PCDHGB5: variants seen among roughly 807,000 people sequenced by gnomAD.
PCDHGB5 encodes protocadherin gamma-B5.
PCDHGB5 carries 48 observed loss-of-function variants against 62.9 expected under a neutral mutation model. That is an observed-to-expected ratio of 0.76 (90% CI 0.61 to 0.97). The LOEUF (loss-of-function observed/expected upper bound fraction) is 0.97. PCDHGB5 is among the 50% of genes least tolerant of loss of function. The pLI is 0.00. For missense variants in PCDHGB5, 1,118 were observed against 1,198.6 expected, an observed-to-expected ratio of 0.93 and a Z score of 0.99; for synonymous variants, 474 against 511.2, an observed-to-expected ratio of 0.93 and a Z score of 0.98.
intron 1 of PCDHGB5, among the ~76,000 whole-genome samples, chr5:141,482,052 T>G (rs2099551017): frequency 6.7e-6 from 1 of 150,154 alleles, no homozygotes; most frequent in Non-Finnish European, 1.5e-5. Flanking sequence ...GCTGTTGCAT[T>G]CCAGCCTGGG....
chr5:141,404,157 A>G (rs746450194), intron 1 of PCDHGB5: 12 of 1,613,094 alleles, frequency 7.4e-6, no homozygotes, highest in Non-Finnish European at 5.9e-6. Flanking sequence ...GAAGATTATT[A>G]CAGATTGTTG....
intron 2 of PCDHGB5, among the ~76,000 whole-genome samples, chr5:141,498,971 G>GGGAAGGAA (rs201769957): frequency 0.022 from 2,449 of 111,032 alleles, 52 homozygotes; most frequent in African/African-American, 0.046. Flanking sequence ...GAGGGAGGGA[G>GGGAAGGAA]GGAAGGAAGG....
At chr5:141,402,474 G>T (rs2094271773) in intron 1 of PCDHGB5, among the ~76,000 whole-genome samples, 1 of 152,122 alleles carries the variant, frequency 6.6e-6, no homozygotes, top group South Asian at 2.1e-4. Flanking sequence ...GAAATAGAGT[G>T]CAAAGTTCTA....
Position 141,476,889 on chromosome 5 carries a change from C to T in PCDHGB5, c.2398-17918C>T. ...CGGGCGCGCGTCCTGGAGGATGCAC[C>T]CTCCGGCACGCGCGTGGTACAAGTC... is the stretch of plus-strand genomic sequence containing the variant. On this transcript the variant is annotated intron_variant, in intron 1 of 3. Transcript: ENST00000617380. This position sits in a 1 kb window ranked among gnomAD's most constrained non-coding sequence, Gnocchi z 7.6. 6.2e-7 allele frequency: 1 copy of T among 1,613,960 alleles called. No individual in the cohort carries two copies. The highest frequency in any genetic ancestry group is 8.5e-7 in the Non-Finnish European group (1 of 1,180,034).
At chr5:141,418,393 C>A in intron 1 of PCDHGB5, 1 of 1,613,984 alleles carries the variant, frequency 6.2e-7, no homozygotes, top group Non-Finnish European at 8.5e-7. Context: ...ACGAGTATTT[C>A]TCATTGGTGG....
intron 2 of PCDHGB5, among the ~76,000 whole-genome samples, chr5:141,502,654 C>T (rs1424933188): frequency 6.6e-6 from 1 of 152,230 alleles, no homozygotes; most frequent in South Asian, 2.1e-4. Context: ...TAGGCAGCAA[C>T]CCTTCATGCA....
At chr5:141,408,901 G>T (rs529239605) in intron 1 of PCDHGB5, 2 of 1,613,100 alleles carry the variant, frequency 1.2e-6, no homozygotes, top group African/African-American at 2.7e-5. Flanking sequence ...TTTCTGTCAA[G>T]GATACCAATG....
chr5:141,422,453 G>A, intron 1 of PCDHGB5: 3 of 1,611,704 alleles, frequency 1.9e-6, no homozygotes, highest in Non-Finnish European at 2.5e-6. Context: ...ATAACAAGCA[G>A]AGTGCTGGAC....
intron 1 of PCDHGB5, among the ~76,000 whole-genome samples, chr5:141,455,594 G>A (rs1263100982): frequency 6.6e-6 from 1 of 152,112 alleles, no homozygotes; most frequent in Non-Finnish European, 1.5e-5. Context: ...ATATGCAAAC[G>A]TAGGGCGCCA....
chr5:141,403,120 C>T, intron 1 of PCDHGB5: 2 of 1,614,050 alleles, frequency 1.2e-6, no homozygotes, highest in Non-Finnish European at 1.7e-6. Flanking sequence ...CTCTGGAGCC[C>T]CGGGAGCTGG....
chr5:141,486,278 G>A lies in PCDHGB5; in HGVS notation c.2398-8529G>A. The A allele has an allele frequency of 1.2e-6, 2 of 1,614,088 alleles. No individual in the cohort carries two copies. Among genetic ancestry groups the A allele is most frequent in the South Asian group, 2.2e-5 (2 of 91,068 alleles). On this transcript the variant is annotated intron_variant, in intron 1 of 3. Transcript: ENST00000617380. This position sits in a 1 kb window ranked among gnomAD's most constrained non-coding sequence, Gnocchi z 5.0. The stretch of plus-strand genomic sequence containing the variant: ...CGAGAGTGCAGAACCTGGCACTGTG[G>A]TGGCACTTATCAGTGTGCAGGATCC...
chr5:141,474,321 A>G (rs75620387), intron 1 of PCDHGB5, among the ~76,000 whole-genome samples: 2,046 of 152,326 alleles, frequency 0.013, 15 homozygotes, highest in Middle Eastern at 0.034. Context: ...GTGTTTTCAA[A>G]TCACCCTGAT....
Position 141,485,519 on chromosome 5 carries a change from A to T in PCDHGB5, c.2398-9288A>T. ...GTTTGTCACCGAAGGTCCTTTGGAA[A>T]TGTACCGAGCAGAGGTAGAGATCGT... On this transcript the variant is annotated intron_variant, in intron 1 of 3. Transcript: ENST00000617380. The surrounding 1 kb of genome is among the most constrained non-coding windows in gnomAD (Gnocchi z 5.7). The T allele has an allele frequency of 6.2e-7, 1 of 1,614,150 alleles. No individual in the cohort carries two copies. The highest frequency in any genetic ancestry group is 8.5e-7 in the Non-Finnish European group (1 of 1,180,018).
At chr5:141,471,075 G>T (rs574363005) in intron 1 of PCDHGB5, among the ~76,000 whole-genome samples, 1 of 143,346 alleles carries the variant, frequency 7.0e-6, no homozygotes, top group East Asian at 2.0e-4. Context: ...TTGAGACAGG[G>T]TCTCCCTCTG....
intron 3 of PCDHGB5, among the ~76,000 whole-genome samples, chr5:141,505,793 GGACTTGGATC>G (rs2099848390): frequency 6.6e-6 from 1 of 152,142 alleles, no homozygotes; most frequent in Non-Finnish European, 1.5e-5. Flanking sequence ...ACTATCCTTG[GGACTTGGATC>G]GACTTGCTCA....
chr5:141,423,612 TGAAGAC>T, intron 1 of PCDHGB5: 1 of 1,611,004 alleles, frequency 6.2e-7, no homozygotes, highest in African/African-American at 1.3e-5. Flanking sequence ...TCTTGATAGC[TGAAGAC>T]TCAGCTATCA....
At chr5:141,423,497 A>G in intron 1 of PCDHGB5, 4 of 1,613,940 alleles carry the variant, frequency 2.5e-6, no homozygotes, top group Non-Finnish European at 3.4e-6. Flanking sequence ...TATTCCCACG[A>G]GGTCTCTCTC....
intron 1 of PCDHGB5, among the ~76,000 whole-genome samples, chr5:141,455,549 C>G (rs911113181): frequency 1.3e-5 from 2 of 152,042 alleles, no homozygotes; most frequent in Non-Finnish European, 2.9e-5. Flanking sequence ...TCACGTAGCC[C>G]GAGAAAAAGC....
In PCDHGB5 at chr5:141,486,336, G is replaced by A. The variant is rs534793835; in HGVS notation, c.2398-8471G>A. 3.8e-5 allele frequency: 61 copies of A among 1,613,992 alleles called. No individual in the cohort carries two copies. In the African/African-American group the frequency reaches 4.3e-4, roughly 11 times the overall value. On this transcript the variant is annotated intron_variant, in intron 1 of 3. Coordinates refer to ENST00000617380, the MANE Select transcript of PCDHGB5 (RefSeq NM_018925.3). The surrounding 1 kb of genome is among the most constrained non-coding windows in gnomAD (Gnocchi z 5.0). The stretch of plus-strand genomic sequence containing the variant: ...GGGTCAAACGGAGATGTGAGCCTCC[G>A]CATTCCTGACCACTTGCCATTTGCC...
Sources: allele counts gnomAD v4.1 joint callset (sites outside exome capture counted in the v4.1 genomes callset), GRCh38; gene constraint gnomAD v4.1.1; non-coding constraint Gnocchi (gnomAD v3.1); transcripts MANE v1.5; gene names NCBI Gene and HGNC (gene_info 2026-07-23, HGNC 2026-07-21).